Variants in XPR1 observed in about 807,000 individuals in gnomAD.
XPR1 encodes the protein xenotropic and polytropic retrovirus receptor 1, also known as solute carrier family 53 member 1.
In XPR1, 28 loss-of-function variants were observed where a neutral mutation model predicts 87.5. The observed-to-expected ratio is 0.32, with a 90% CI of 0.24 to 0.44. The LOEUF is 0.44. Ranked by LOEUF, XPR1 falls within the 20% of genes least tolerant of loss-of-function variation. XPR1 has a pLI of 1.00. For synonymous variants in XPR1, 300 were observed against 306.1 expected, an observed-to-expected ratio of 0.98 and a Z score of 0.21; for missense variants, 559 against 862.3, an observed-to-expected ratio of 0.65 and a Z score of 4.41.
At chr1:180,692,822 CAA>C (rs1657034882) in intron 2 of XPR1, among the ~76,000 whole-genome samples, 2 of 151,974 alleles carry the variant, frequency 1.3e-5, no homozygotes, top group African/African-American at 4.8e-5. Flanking sequence ...GTTATGATAA[CAA>C]ATATAATTTT....
At chr1:180,795,196 CAACAT>C (rs1649523232) in intron 3 of XPR1, among the ~76,000 whole-genome samples, 1 of 152,230 alleles carries the variant, frequency 6.6e-6, no homozygotes. Flanking sequence ...AATTGCATAA[CAACAT>C]AACAGCTTTG....
intron 2 of XPR1, among the ~76,000 whole-genome samples, chr1:180,704,811 G>GTTTTTTTT (rs1182063865): frequency 3.1e-5 from 2 of 63,600 alleles, no homozygotes; most frequent in African/African-American, 9.7e-5. Flanking sequence ...GGGACTGTTG[G>GTTTTTTTT]TTGTTTTTTT....
intron 3 of XPR1, among the ~76,000 whole-genome samples, chr1:180,795,073 A>C (rs1055923758): frequency 6.6e-6 from 1 of 152,212 alleles, no homozygotes; most frequent in African/African-American, 2.4e-5. Context: ...TATATTTTGA[A>C]TAACACCAAG....
intron 2 of XPR1, among the ~76,000 whole-genome samples, chr1:180,704,821 T>TC: frequency 7.0e-6 from 1 of 143,068 alleles, no homozygotes; most frequent in African/African-American, 2.6e-5. Flanking sequence ...GTTGTTTTTT[T>TC]TTTTTTTTTT....
intron 2 of XPR1, among the ~76,000 whole-genome samples, chr1:180,754,213 C>T (rs1647638893): frequency 6.6e-6 from 1 of 152,098 alleles, no homozygotes; most frequent in Non-Finnish European, 1.5e-5. Flanking sequence ...ATGTCTTATA[C>T]TATTATCTAT....
chr1:180,694,755 G>A (rs988489432), intron 2 of XPR1, among the ~76,000 whole-genome samples: 11 of 146,968 alleles, frequency 7.5e-5, no homozygotes, highest in Admixed American at 4.1e-4. Flanking sequence ...GTGTCACCCC[G>A]ACTCCTGATT....
intron 11 of XPR1, among the ~76,000 whole-genome samples, chr1:180,856,745 C>T (rs1295492646): frequency 1.3e-5 from 2 of 152,142 alleles, no homozygotes; most frequent in Non-Finnish European, 2.9e-5. Context: ...TTTGCCTTAC[C>T]TCTCTGTTCC....
At chr1:180,660,345 C>T (rs1456749421) in intron 1 of XPR1, among the ~76,000 whole-genome samples, 4 of 151,804 alleles carry the variant, frequency 2.6e-5, no homozygotes, top group African/African-American at 9.7e-5. Context: ...ATTTTAATTT[C>T]ATTTATTTCT....
intron 2 of XPR1, among the ~76,000 whole-genome samples, chr1:180,723,720 A>C (rs1432804541): frequency 6.6e-6 from 1 of 152,090 alleles, no homozygotes; most frequent in Non-Finnish European, 1.5e-5. Context: ...TGCCCTGGTG[A>C]TCCAGAGCCA....
At chr1:180,880,351 G>GGT (rs1273900440) in intron 14 of XPR1, 54 bp downstream of exon 14, 1 of 1,598,166 alleles carries the variant, frequency 6.3e-7, no homozygotes, top group African/African-American at 1.3e-5. Context: ...TTTAGCATTG[G>GGT]GTAGCATGTA....
chr1:180,788,660 T>TG (rs1477203611), intron 3 of XPR1, among the ~76,000 whole-genome samples: 1 of 151,808 alleles, frequency 6.6e-6, no homozygotes, highest in Non-Finnish European at 1.5e-5. Flanking sequence ...CAGTAATTGA[T>TG]GAAAAAAAAA....
intron 1 of XPR1, among the ~76,000 whole-genome samples, chr1:180,651,079 G>C (rs899731251): frequency 2.6e-5 from 4 of 151,616 alleles, no homozygotes; most frequent in African/African-American, 9.7e-5. Flanking sequence ...GAAACTGAAT[G>C]ATAGTAGCTG....
intron 2 of XPR1, among the ~76,000 whole-genome samples, chr1:180,762,606 G>C (rs1485753533): frequency 6.6e-6 from 1 of 152,164 alleles, no homozygotes. Context: ...ACTTTTTAAA[G>C]ATTTGTGGTG....
chr1:180,846,919 C>G (rs1214250072), intron 11 of XPR1, among the ~76,000 whole-genome samples: 2 of 151,840 alleles, frequency 1.3e-5, no homozygotes, highest in Admixed American at 1.3e-4. Context: ...CTAAATATCT[C>G]ATTGATAAGT....
intron 2 of XPR1, among the ~76,000 whole-genome samples, chr1:180,781,020 A>T (rs1020209127): frequency 3.9e-5 from 6 of 151,990 alleles, no homozygotes; most frequent in African/African-American, 1.4e-4. Flanking sequence ...GAGGTCAGGA[A>T]GATTTATACT....
intron 2 of XPR1, among the ~76,000 whole-genome samples, chr1:180,734,008 A>T (rs1658644721): frequency 6.6e-6 from 1 of 152,166 alleles, no homozygotes; most frequent in African/African-American, 2.4e-5. Context: ...CTGATGAGAG[A>T]AACAGTTAAA....
At position 180,701,783 on chromosome 1, in the gene XPR1, G is replaced by A. The variant is rs1443895923; in HGVS notation, c.121+19372G>A. On this transcript the variant is annotated intron_variant, in intron 2 of 14. Transcript: ENST00000367590. Reference sequence around the variant, plus strand: ...TTTTCTATCGATTGGAATAGTTTCAGAAGGAATGGTACTAGTTCCTCCTCG... The same window carrying A: ...TTTTCTATCGATTGGAATAGTTTCAAAAGGAATGGTACTAGTTCCTCCTCG... Among the ~76,000 whole-genome samples, 4 of 142,212 alleles carry A rather than the reference G, an allele frequency of 2.8e-5. 1 individual carries two copies. The highest frequency in any genetic ancestry group is 6.0e-5 in the Non-Finnish European group (4 of 66,472). 93.3% of individuals were successfully genotyped at this position (142,212 alleles called of 152,430 possible).
chr1:180,669,088 TA>T (rs747188399), intron 1 of XPR1, among the ~76,000 whole-genome samples: 1,984 of 111,814 alleles, frequency 0.018, 17 homozygotes, highest in African/African-American at 0.039. Context: ...AAACTCTGTC[TA>T]AAAAAAAAAA....
intron 3 of XPR1, among the ~76,000 whole-genome samples, chr1:180,801,799 G>C (rs548053437): frequency 1.6e-4 from 13 of 80,850 alleles, no homozygotes; most frequent in Middle Eastern, 0.011. Context: ...TTTTTTTTTT[G>C]AGACAGTGTC....
Sources: allele counts gnomAD v4.1 joint callset (sites outside exome capture counted in the v4.1 genomes callset), GRCh38; gene constraint gnomAD v4.1.1; transcripts MANE v1.5; gene names NCBI Gene and HGNC (gene_info 2026-07-23, HGNC 2026-07-21).